RTL9: variants seen among roughly 807,000 people sequenced by gnomAD.
The protein encoded by RTL9 is retrotransposon Gag like 9, also known as retrotransposon Gag-like protein 9.
A neutral mutation model predicts 44.7 loss-of-function variants in RTL9; 19 were observed. The observed-to-expected ratio is 0.42, with a 90% confidence interval of 0.30 to 0.62. The LOEUF (loss-of-function observed/expected upper bound fraction) is 0.62, where lower values mean the gene tolerates loss of function less well. Ranked by LOEUF, RTL9 falls within the 20% of genes least tolerant of loss-of-function variation. RTL9 has a pLI of 0.16. For synonymous variants in RTL9, 407 were observed against 398.9 expected (o/e 1.02, Z -0.24); for missense variants, 1,105 against 1,080.6 (o/e 1.02, Z -0.32).
chrX:110,398,381 T>A (rs1025713907), intron 1 of RTL9, among the ~76,000 whole-genome samples: 1 of 112,415 alleles, frequency 8.9e-6, no homozygotes, highest in Middle Eastern at 4.6e-3. Flanking sequence ...TCATTTACTC[T>A]CCACAACTCC....
chrX:110,420,693 C>T (rs1347795914), intron 1 of RTL9, among the ~76,000 whole-genome samples: 2 of 111,979 alleles, frequency 1.8e-5, no homozygotes, highest in Non-Finnish European at 3.8e-5. Context: ...AAACAAATAC[C>T]CACAAACCGG....
intron 1 of RTL9, among the ~76,000 whole-genome samples, chrX:110,374,731 A>G (rs1341663709): frequency 9.0e-6 from 1 of 111,056 alleles, no homozygotes; most frequent in Non-Finnish European, 1.9e-5. Context: ...GACAGCTTCT[A>G]TGTTTGTGGG....
At chrX:110,447,555 C>A (rs749767416), upstream of RTL9, among the ~76,000 whole-genome samples, 1 of 110,183 alleles carries the variant, frequency 9.1e-6, no homozygotes, top group Admixed American at 9.7e-5. Context: ...ATGGCCAGGG[C>A]TGAAATCTGG....
intron 1 of RTL9, 94 bp downstream of exon 3, chrX:110,454,758 A>C: frequency 2.5e-6 from 2 of 789,325 alleles, no homozygotes; most frequent in Non-Finnish European, 3.6e-6. Context: ...AGAATTGGGA[A>C]GAGGCAAGGG....
chrX:110,428,799 G>C (rs748013633), intron 1 of RTL9, among the ~76,000 whole-genome samples: 8 of 112,046 alleles, frequency 7.1e-5, no homozygotes, highest in East Asian at 2.8e-4. Context: ...ATCATCTGAG[G>C]GTCCTGGTGC....
intron 1 of RTL9, among the ~76,000 whole-genome samples, chrX:110,363,230 T>C (rs1271218573): frequency 9.0e-6 from 1 of 110,945 alleles, no homozygotes; most frequent in East Asian, 2.8e-4. Flanking sequence ...TACAAACAGG[T>C]GGGTGAGAAA....
chrX:110,422,574 C>T (rs1018582406), intron 1 of RTL9, among the ~76,000 whole-genome samples: 1 of 112,721 alleles, frequency 8.9e-6, no homozygotes, highest in Non-Finnish European at 1.9e-5. Flanking sequence ...ACAAAGAACA[C>T]AAAGTGGTTT....
rs1322361479 is a variant in RTL9, at chrX:110,450,733, T to A, written c.116T>A (p.Val39Glu). ...CCAATGACAGAGACCAGAGCAGACG[T>A]ACAGATTCTGCATTCTCATGTACAG... The change falls in exon 1 of 2, where the codon GTA becomes GAA. Residue 39 changes from valine (V) to glutamate (E), a missense_variant. By Grantham distance (121) the Val-to-Glu change is moderately radical (BLOSUM62 -2). Coordinates refer to ENST00000540313, the Ensembl canonical transcript of RTL9. 5 of 1,211,114 alleles carry A rather than the reference T, an allele frequency of 4.1e-6. No individual in the cohort carries two copies. In the South Asian group the frequency reaches 8.8e-5, roughly 21 times the overall value.
chrX:110,454,243 A>T, exon 1 of RTL9: 1 of 1,211,654 alleles, frequency 8.3e-7, no homozygotes, highest in Non-Finnish European at 1.1e-6. Context: ...GAGGTAGGAG[A>T]ACCTCTCTCA....
At chrX:110,371,053 C>T (rs6567858) in intron 1 of RTL9, among the ~76,000 whole-genome samples, 2,839 of 110,597 alleles carry the variant, frequency 0.026, 104 homozygotes, top group African/African-American at 0.089. Context: ...GTATAAAATG[C>T]CTTTGTGGAA....
chrX:110,443,357 T>A (rs981256155), intron 1 of RTL9, among the ~76,000 whole-genome samples: 17 of 111,566 alleles, frequency 1.5e-4, no homozygotes, highest in African/African-American at 5.2e-4. Context: ...TGACTCTTTG[T>A]GGGTAGAGTC....
exon 1 of RTL9, chrX:110,452,476 C>A: frequency 8.3e-7 from 1 of 1,211,616 alleles, no homozygotes; most frequent in East Asian, 3.0e-5. Flanking sequence ...CCACTAATGA[C>A]ACCCAAAGCC....
intron 1 of RTL9, among the ~76,000 whole-genome samples, chrX:110,398,158 A>G (rs1407071334): frequency 9.0e-6 from 1 of 111,609 alleles, no homozygotes; most frequent in Non-Finnish European, 1.9e-5. Context: ...GACTGTGTAA[A>G]CCCAACCTTC....
chrX:110,389,614 G>GT (rs1003890567), intron 1 of RTL9, among the ~76,000 whole-genome samples: 32 of 106,317 alleles, frequency 3.0e-4, no homozygotes, highest in East Asian at 5.8e-4. Flanking sequence ...CAATCTTTTT[G>GT]TTTTTTTTTT....
chrX:110,387,999 C>T (rs1354557536), intron 1 of RTL9, among the ~76,000 whole-genome samples: 2 of 109,099 alleles, frequency 1.8e-5, no homozygotes, highest in Admixed American at 9.7e-5. Context: ...GTAGCTGGGA[C>T]AACAGGCGCC....
At chrX:110,450,973 C>T (rs2068936036) in exon 1 of RTL9, 2 of 1,210,518 alleles carry the variant, frequency 1.7e-6, no homozygotes, top group African/African-American at 1.7e-5. Flanking sequence ...TTGCTAATGC[C>T]AGCCTTAGAT....
intron 1 of RTL9, among the ~76,000 whole-genome samples, chrX:110,424,597 G>T (rs763955609): frequency 8.9e-6 from 1 of 112,071 alleles, no homozygotes; most frequent in Non-Finnish European, 1.9e-5. Flanking sequence ...GCAACCTATG[G>T]CTCCTGCCCT....
At chrX:110,401,159 G>C (rs2068561928) in intron 1 of RTL9, among the ~76,000 whole-genome samples, 1 of 112,311 alleles carries the variant, frequency 8.9e-6, no homozygotes, top group African/African-American at 3.2e-5. Flanking sequence ...ATAGCAAGTA[G>C]GCTGCAAAGC....
intron 1 of RTL9, among the ~76,000 whole-genome samples, chrX:110,404,129 C>T (rs909492084): frequency 1.8e-5 from 2 of 112,483 alleles, no homozygotes; most frequent in African/African-American, 3.2e-5. Context: ...TGCTACCATT[C>T]GTTTATTCTG....
Sources: allele counts gnomAD v4.1 joint callset (sites outside exome capture counted in the v4.1 genomes callset), GRCh38; gene constraint gnomAD v4.1.1; transcripts MANE v1.5; gene names NCBI Gene and HGNC (gene_info 2026-07-23, HGNC 2026-07-21).